SULF1: variants seen among roughly 807,000 people sequenced by gnomAD.
The protein encoded by SULF1 is sulfatase 1.
A neutral mutation model predicts 110.5 loss-of-function variants in SULF1; 46 were observed. The observed-to-expected ratio is 0.42, with a 90% confidence interval of 0.33 to 0.53. The LOEUF (loss-of-function observed/expected upper bound fraction) is 0.53, where lower values mean the gene tolerates loss of function less well. Among genes scored for constraint, SULF1 ranks in the 20% least tolerant of loss-of-function variants. The pLI, the probability that SULF1 is intolerant of heterozygous loss-of-function variation, is 0.12. For missense variants in SULF1, 941 were observed against 1,094.2 expected, an observed-to-expected ratio of 0.86 and a Z score of 1.98; for synonymous variants, 371 against 387.1, an observed-to-expected ratio of 0.96 and a Z score of 0.49.
Position 69,624,185 on chromosome 8 carries a change from G to A in SULF1, c.1838G>A (p.Arg613Gln), listed in dbSNP as rs776730164. ...SNAVGPPTTV[R>Q]VTHKCFILPN... ...GCCGTGGGCCCACCTACCACTGTCC[G>A]AGTGACACACAAGTAAGAAAGCTTT... is the stretch of plus-strand genomic sequence containing the variant. The change falls in exon 15 of 23, where the codon CGA becomes CAA. Residue 613 changes from arginine (R) to glutamine (Q), a missense_variant. This residue lies in a region of SULF1 where 822 missense variants were observed against 934.3 expected (regional missense o/e 0.88). Transcript: ENST00000402687. 2.4e-5 allele frequency: 38 copies of A among 1,583,386 alleles called. 1 individual carries two copies. In the Middle Eastern group the frequency reaches 8.4e-4, roughly 35 times the overall value.
At chr8:69,651,739 TAATATTG>T (rs558471430) in intron 22 of SULF1, among the ~76,000 whole-genome samples, 537 of 152,328 alleles carry the variant, frequency 3.5e-3, no homozygotes, top group African/African-American at 0.012. Flanking sequence ...GTTGCTTTCG[TAATATTG>T]AATTCTGTTC....
chr8:69,616,091 A>ACAT (rs1337630527), intron 13 of SULF1, among the ~76,000 whole-genome samples: 5 of 138,406 alleles, frequency 3.6e-5, no homozygotes, highest in Non-Finnish European at 8.1e-5. Flanking sequence ...TAATGTGTAT[A>ACAT]TATATACACA....
intron 3 of SULF1, among the ~76,000 whole-genome samples, chr8:69,542,872 A>AT (rs1389557098): frequency 6.6e-6 from 1 of 152,132 alleles, no homozygotes; most frequent in Non-Finnish European, 1.5e-5. Flanking sequence ...CTATATATTA[A>AT]TTTCCCATGA....
At chr8:69,652,417 T>G (rs1812412341) in intron 22 of SULF1, among the ~76,000 whole-genome samples, 1 of 152,242 alleles carries the variant, frequency 6.6e-6, no homozygotes, top group Non-Finnish European at 1.5e-5. Context: ...TTTCTTGAGT[T>G]ATCTGCTCTA....
At chr8:69,599,538 A>G (rs2380562) in intron 8 of SULF1, among the ~76,000 whole-genome samples, 12,805 of 152,200 alleles carry the variant, frequency 0.084, 1,066 homozygotes, top group Admixed American at 0.18. Context: ...TAATAAACCT[A>G]TTTTACAGAG....
chr8:69,594,157 T>G (rs1048981189), intron 8 of SULF1, among the ~76,000 whole-genome samples: 2 of 152,148 alleles, frequency 1.3e-5, no homozygotes, highest in African/African-American at 4.8e-5. Context: ...GTTCAAACCA[T>G]TCTCCTGCCT....
intron 3 of SULF1, among the ~76,000 whole-genome samples, chr8:69,524,663 C>A (rs1358914015): frequency 6.6e-6 from 1 of 152,126 alleles, no homozygotes. Context: ...CATTGAATAT[C>A]CTAGAGTTAT....
chr8:69,560,418 C>T (rs1264453173), intron 3 of SULF1, among the ~76,000 whole-genome samples: 8 of 152,138 alleles, frequency 5.3e-5, no homozygotes, highest in Admixed American at 5.2e-4. Flanking sequence ...CTAAGCCACC[C>T]TAAACAAAGT....
chr8:69,539,435 TC>T (rs1433310834), intron 3 of SULF1, among the ~76,000 whole-genome samples: 1 of 152,204 alleles, frequency 6.6e-6, no homozygotes. Flanking sequence ...TATGAAAAGA[TC>T]TTGCGCTTGG....
Position 69,521,243 on chromosome 8 carries a change from C to A in SULF1, c.-134+19275C>A, listed in dbSNP as rs531425898. ...ATATTTGTTGGGCACCTACTACATG[C>A]AATGCCAAGCCCTGTTCTAGGCATG... On this transcript the variant is annotated intron_variant, in intron 3 of 22. Coordinates refer to ENST00000402687, the MANE Select transcript of SULF1 (RefSeq NM_001128205.2). 2.0e-5 allele frequency among the ~76,000 whole-genome samples: 3 copies of A among 152,088 alleles called. No homozygotes were observed. In the South Asian group the frequency reaches 6.2e-4, roughly 32 times the overall value.
chr8:69,655,245 A>G (rs1360219272), intron 22 of SULF1, among the ~76,000 whole-genome samples: 2 of 152,118 alleles, frequency 1.3e-5, no homozygotes, highest in Non-Finnish European at 2.9e-5. Flanking sequence ...TTTTGGCATT[A>G]TATGTCTGAC....
At chr8:69,635,698 C>A (rs868765947) in intron 19 of SULF1, among the ~76,000 whole-genome samples, 10 of 152,224 alleles carry the variant, frequency 6.6e-5, no homozygotes, top group Middle Eastern at 6.8e-3. Flanking sequence ...ATGCCAAGAC[C>A]AATCTCTACA....
chr8:69,476,303 T>A (rs1217268561), intron 1 of SULF1, among the ~76,000 whole-genome samples: 1 of 152,202 alleles, frequency 6.6e-6, no homozygotes, highest in Non-Finnish European at 1.5e-5. Flanking sequence ...CCTTTTGTTT[T>A]GTCCTTTTTT....
At chr8:69,526,798 A>AAAGGAAGAAAGGAAGG (rs1812705521) in intron 3 of SULF1, among the ~76,000 whole-genome samples, 2 of 112,198 alleles carry the variant, frequency 1.8e-5, no homozygotes, top group Non-Finnish European at 1.8e-5. Flanking sequence ...GTCAAGAAAG[A>AAAGGAAGAAAGGAAGG]AAGGAAGGAA....
At chr8:69,614,532 C>T (rs1011347161) in intron 13 of SULF1, among the ~76,000 whole-genome samples, 5 of 152,210 alleles carry the variant, frequency 3.3e-5, no homozygotes, top group African/African-American at 9.7e-5. Context: ...GTTTGAAATG[C>T]GTTTGACATA....
chr8:69,610,881 C>A (rs1322265782), intron 13 of SULF1, among the ~76,000 whole-genome samples: 1 of 152,014 alleles, frequency 6.6e-6, no homozygotes, highest in African/African-American at 2.4e-5. Context: ...GTTGTTACTT[C>A]TCTCTTCTCA....
chr8:69,473,983 G>A (rs960850710), intron 1 of SULF1, among the ~76,000 whole-genome samples: 1 of 152,126 alleles, frequency 6.6e-6, no homozygotes, highest in African/African-American at 2.4e-5. Flanking sequence ...AAATCTCCTT[G>A]TATTCCTTTG....
chr8:69,565,943 C>G (rs1815847681), intron 5 of SULF1, among the ~76,000 whole-genome samples: 1 of 152,166 alleles, frequency 6.6e-6, no homozygotes, highest in Non-Finnish European at 1.5e-5. Flanking sequence ...TTTCCTCTTT[C>G]CCCACCTGGA....
chr8:69,493,456 C>CAT, intron 1 of SULF1, among the ~76,000 whole-genome samples: 1 of 44,272 alleles, frequency 2.3e-5, no homozygotes, highest in Non-Finnish European at 3.9e-5. Context: ...ACTACACACA[C>CAT]ACACACACAC....
Sources: allele counts gnomAD v4.1 joint callset (sites outside exome capture counted in the v4.1 genomes callset), GRCh38; gene constraint gnomAD v4.1.1; regional missense constraint gnomAD v4.1.1; transcripts MANE v1.5; gene names NCBI Gene and HGNC (gene_info 2026-07-23, HGNC 2026-07-21).